TMEM108: variants seen among roughly 807,000 people sequenced by gnomAD.
The protein encoded by TMEM108 is transmembrane protein 108.
Under a neutral mutation model 35.1 loss-of-function variants are expected in TMEM108, and 12 were observed. The observed-to-expected ratio is 0.34, with a 90% CI of 0.22 to 0.55. TMEM108 has a LOEUF of 0.55. Among genes scored for constraint, TMEM108 ranks in the 20% least tolerant of loss-of-function variants. The pLI, the probability that TMEM108 is intolerant of heterozygous loss-of-function variation, is 0.89. For missense variants in TMEM108, 680 were observed against 753.3 expected (o/e 0.90, Z 1.14); for synonymous variants, 287 against 308.6 (o/e 0.93, Z 0.73).
At chr3:133,354,121 C>T (rs769842853) in intron 3 of TMEM108, among the ~76,000 whole-genome samples, 3 of 152,192 alleles carry the variant, frequency 2.0e-5, no homozygotes, top group African/African-American at 4.8e-5. Flanking sequence ...TAAGCCTTGA[C>T]GTCAGTTTTT....
At chr3:133,284,940 CT>C (rs1229677600) in intron 3 of TMEM108, among the ~76,000 whole-genome samples, 1 of 151,514 alleles carries the variant, frequency 6.6e-6, no homozygotes, top group African/African-American at 2.4e-5. Context: ...TTTTTTTTTA[CT>C]TTGATGAGTA....
At chr3:133,069,090 G>A (rs1004721803) in intron 2 of TMEM108, among the ~76,000 whole-genome samples, 7 of 152,192 alleles carry the variant, frequency 4.6e-5, no homozygotes, top group African/African-American at 1.7e-4. Flanking sequence ...GAGAGCCCTT[G>A]AATGACCTCT....
At chr3:133,292,877 A>G (rs1947092643) in intron 3 of TMEM108, among the ~76,000 whole-genome samples, 1 of 152,156 alleles carries the variant, frequency 6.6e-6, no homozygotes, top group Non-Finnish European at 1.5e-5. Flanking sequence ...ACACCAACTT[A>G]AGCCAAATAA....
At chr3:133,394,627 C>T (rs757654081) in intron 5 of TMEM108, among the ~76,000 whole-genome samples, 25 of 152,304 alleles carry the variant, frequency 1.6e-4, no homozygotes, top group Non-Finnish European at 2.4e-4. Context: ...ACAGTTAAAC[C>T]CAAAAGCATG....
rs71136458 is a variant in TMEM108, at chr3:133,241,609, C to CTTT, written c.40+12279_40+12281dup. Among the ~76,000 whole-genome samples the CTTT allele has an allele frequency of 2.6e-3, 197 of 76,226 alleles. 1 individual carries two copies. Among genetic ancestry groups the CTTT allele is most frequent in the South Asian group, 4.0e-3 (6 of 1,518 alleles). The allele number at this position is 76,226 out of a possible 152,430, so 50.0% of individuals were successfully genotyped here. ...GAGTGTTTGTATTAGTTTCCTGTGG[C>CTTT]TTTTTTTTTTTTTTTTTTTTTTTGA... On this transcript the variant is annotated intron_variant, in intron 3 of 5. Coordinates refer to ENST00000321871, the MANE Select transcript of TMEM108 (RefSeq NM_023943.4).
chr3:133,283,070 G>T (rs1946937447), intron 3 of TMEM108, among the ~76,000 whole-genome samples: 1 of 152,180 alleles, frequency 6.6e-6, no homozygotes, highest in Non-Finnish European at 1.5e-5. Flanking sequence ...AGTAGATGAG[G>T]GGTAGCAAGA....
chr3:133,312,651 G>A (rs941687944), intron 3 of TMEM108, among the ~76,000 whole-genome samples: 1 of 152,230 alleles, frequency 6.6e-6, no homozygotes, highest in Non-Finnish European at 1.5e-5. Context: ...CCCTTGGCTA[G>A]GAAAGGGAAA....
At chr3:133,225,042 ATTTTT>A (rs11347955) in intron 2 of TMEM108, among the ~76,000 whole-genome samples, 2 of 112,936 alleles carry the variant, frequency 1.8e-5, no homozygotes, top group Non-Finnish European at 3.6e-5. Flanking sequence ...AAACCTCCTA[ATTTTT>A]TTTTTTTTTT....
chr3:133,218,958 T>C (rs543897731), intron 2 of TMEM108, among the ~76,000 whole-genome samples: 1 of 152,192 alleles, frequency 6.6e-6, no homozygotes, highest in African/African-American at 2.4e-5. Flanking sequence ...GAAGGATTGG[T>C]ATTAGTTCTT....
At chr3:133,123,309 T>G (rs993912974) in intron 2 of TMEM108, among the ~76,000 whole-genome samples, 1 of 152,228 alleles carries the variant, frequency 6.6e-6, no homozygotes, top group Non-Finnish European at 1.5e-5. Context: ...TTTTTGTATA[T>G]ATCTTTTTGC....
intron 2 of TMEM108, among the ~76,000 whole-genome samples, chr3:133,095,654 G>T (rs1254100404): frequency 6.6e-6 from 1 of 152,068 alleles, no homozygotes. Context: ...TAAGGAGGAT[G>T]CAACCTAGAT....
At chr3:133,252,085 G>T (rs555836951) in intron 3 of TMEM108, among the ~76,000 whole-genome samples, 1 of 152,220 alleles carries the variant, frequency 6.6e-6, no homozygotes, top group East Asian at 1.9e-4. Flanking sequence ...GTTGATGTGG[G>T]TGTCCTTGAA....
intron 2 of TMEM108, among the ~76,000 whole-genome samples, chr3:133,221,050 G>T (rs1945982958): frequency 6.6e-6 from 1 of 152,070 alleles, no homozygotes; most frequent in East Asian, 1.9e-4. Context: ...GTGGAGTTGG[G>T]GTATACCACC....
chr3:133,039,655 AC>A (rs1425311170), intron 1 of TMEM108, among the ~76,000 whole-genome samples: 1 of 152,174 alleles, frequency 6.6e-6, no homozygotes, highest in Non-Finnish European at 1.5e-5. Context: ...TGTTGGATAC[AC>A]CTGGTAATCT....
intron 2 of TMEM108, among the ~76,000 whole-genome samples, chr3:133,172,774 A>T (rs148032058): frequency 6.6e-6 from 1 of 152,168 alleles, no homozygotes; most frequent in Non-Finnish European, 1.5e-5. Flanking sequence ...TCACCACCCA[A>T]ATCTCATCTT....
chr3:133,151,697 T>G (rs1030653233), intron 2 of TMEM108, among the ~76,000 whole-genome samples: 1 of 152,184 alleles, frequency 6.6e-6, no homozygotes, highest in Non-Finnish European at 1.5e-5. Context: ...TAATGAAGTA[T>G]TTCATTGACA....
chr3:133,100,322 C>T (rs1365102682), intron 2 of TMEM108, among the ~76,000 whole-genome samples: 1 of 152,190 alleles, frequency 6.6e-6, no homozygotes, highest in Non-Finnish European at 1.5e-5. Flanking sequence ...CACAGTCAAA[C>T]CATATCACGG....
intron 3 of TMEM108, among the ~76,000 whole-genome samples, chr3:133,342,957 G>C (rs2071710568): frequency 6.6e-6 from 1 of 151,588 alleles, no homozygotes; most frequent in Non-Finnish European, 1.5e-5. Flanking sequence ...TGAGATGATG[G>C]ATATGGCAAT....
At position 133,397,026 on chromosome 3, in the gene TMEM108, T is replaced by G. The variant is rs1046767528; in HGVS notation, c.*1040T>G. 3.3e-5 allele frequency: 5 copies of G among 152,318 alleles called. No homozygotes were observed. The East Asian group carries it at 7.7e-4, about 24-fold the overall frequency. The allele number at this position is 152,318 out of a possible 1,614,324, so 9.4% of individuals were successfully genotyped here. A position where few individuals can be genotyped will look rare whatever the true frequency, so the allele number is the denominator to read the frequency against. On this transcript the variant is annotated 3_prime_UTR_variant, in exon 6 of 6. Transcript: ENST00000321871. ...ACATCATTATACTCCTACTTGGCAC[T>G]GCAAACCTGCTCGCAGCACCAGCCG...
Sources: gnomAD v4.1 joint callset for allele counts (sites outside exome capture counted in the v4.1 genomes callset) on GRCh38, gnomAD v4.1.1 for gene constraint, MANE v1.5 for transcripts, NCBI Gene and HGNC (gene_info 2026-07-23, HGNC 2026-07-21) for gene names.